Variants in PDE4D observed in about 807,000 individuals in gnomAD.
PDE4D encodes phosphodiesterase 4D.
In PDE4D, 24 loss-of-function variants were observed where a neutral mutation model predicts 87.4. The observed-to-expected ratio is 0.27, with a 90% CI of 0.20 to 0.39. PDE4D has a LOEUF of 0.39. Among genes scored for constraint, PDE4D ranks in the 10% least tolerant of loss-of-function variants. The pLI is 1.00. For synonymous variants in PDE4D, 384 were observed against 383.2 expected (o/e 1.00, Z -0.02); for missense variants, 714 against 1,041.0 (o/e 0.69, Z 4.32).
chr5:59,997,557 A>G (rs1332107208), intron 2 of PDE4D, among the ~76,000 whole-genome samples: 2 of 152,168 alleles, frequency 1.3e-5, no homozygotes, highest in Non-Finnish European at 2.9e-5. Context: ...TAAACTAACA[A>G]ATATTGGGCT....
intron 2 of PDE4D, among the ~76,000 whole-genome samples, chr5:60,134,554 AT>A (rs1332553697): frequency 6.6e-6 from 1 of 152,210 alleles, no homozygotes; most frequent in Non-Finnish European, 1.5e-5. Context: ...GTCCCACAGT[AT>A]TCGTGGGAGA....
chr5:59,798,630 A>G (rs1766781048), intron 1 of PDE4D, among the ~76,000 whole-genome samples: 1 of 152,210 alleles, frequency 6.6e-6, no homozygotes, highest in Non-Finnish European at 1.5e-5. Context: ...CACCTTCCAT[A>G]TAGAAATCAC....
chr5:59,832,423 C>G (rs1480647767), intron 1 of PDE4D, among the ~76,000 whole-genome samples: 1 of 152,018 alleles, frequency 6.6e-6, no homozygotes, highest in Non-Finnish European at 1.5e-5. Flanking sequence ...TTTTTGAAAG[C>G]TATTTTATGA....
At chr5:58,998,059 C>T (rs1245493840) in intron 6 of PDE4D, among the ~76,000 whole-genome samples, 1 of 151,974 alleles carries the variant, frequency 6.6e-6, no homozygotes, top group Non-Finnish European at 1.5e-5. Context: ...CACTGTGATG[C>T]ATTACAAGTT....
chr5:59,822,123 A>G (rs1769759103), intron 1 of PDE4D, among the ~76,000 whole-genome samples: 1 of 152,214 alleles, frequency 6.6e-6, no homozygotes, highest in African/African-American at 2.4e-5. Flanking sequence ...GATACTGACG[A>G]AAAATTGGTC....
intron 1 of PDE4D, among the ~76,000 whole-genome samples, chr5:60,332,443 G>T (rs772871448): frequency 6.6e-6 from 1 of 152,222 alleles, no homozygotes; most frequent in East Asian, 1.9e-4. Flanking sequence ...TGGGACATTT[G>T]GTTTTCTGTT....
intron 5 of PDE4D, among the ~76,000 whole-genome samples, chr5:59,060,963 T>C (rs1380915984): frequency 1.3e-5 from 2 of 152,094 alleles, no homozygotes; most frequent in African/African-American, 2.4e-5. Flanking sequence ...ACTGCTTCCA[T>C]TGTTGGGAGG....
At chr5:59,123,657 A>C (rs920859877) in intron 5 of PDE4D, among the ~76,000 whole-genome samples, 4 of 152,090 alleles carry the variant, frequency 2.6e-5, no homozygotes, top group Non-Finnish European at 5.9e-5. Context: ...CTAAAGCTCT[A>C]CTCCATTGCA....
chr5:59,317,888 G>C (rs1774041352), intron 1 of PDE4D, among the ~76,000 whole-genome samples: 1 of 152,148 alleles, frequency 6.6e-6, no homozygotes, highest in Admixed American at 6.5e-5. Context: ...CAGGCCCTCT[G>C]TTACGATGGT....
intron 2 of PDE4D, among the ~76,000 whole-genome samples, chr5:60,105,158 A>T (rs988781568): frequency 6.6e-6 from 1 of 152,244 alleles, no homozygotes. Context: ...AATACAGAGA[A>T]GTCCTTAAAG....
At chr5:59,675,948 G>A (rs1481985014) in intron 1 of PDE4D, among the ~76,000 whole-genome samples, 5 of 151,982 alleles carry the variant, frequency 3.3e-5, no homozygotes, top group African/African-American at 7.3e-5. Context: ...CACCTCAGCC[G>A]CCCAAAGTGC....
chr5:59,778,806 A>T (rs1431817459), intron 1 of PDE4D, among the ~76,000 whole-genome samples: 1 of 152,200 alleles, frequency 6.6e-6, no homozygotes, highest in Non-Finnish European at 1.5e-5. Context: ...TTAACAGGCT[A>T]AAAAGGTAGG....
chr5:59,694,587 T>G (rs755301046), intron 1 of PDE4D, among the ~76,000 whole-genome samples: 1 of 152,174 alleles, frequency 6.6e-6, no homozygotes, highest in African/African-American at 2.4e-5. Context: ...TACAGCAATA[T>G]GTTGTAACTG....
At chr5:59,389,657 T>C (rs1327834046) in intron 1 of PDE4D, among the ~76,000 whole-genome samples, 1 of 152,154 alleles carries the variant, frequency 6.6e-6, no homozygotes, top group Non-Finnish European at 1.5e-5. Context: ...CCCATGTTTA[T>C]TGCAGCACTA....
intron 1 of PDE4D, among the ~76,000 whole-genome samples, chr5:59,855,557 T>C (rs573023054): frequency 1.3e-5 from 2 of 152,234 alleles, no homozygotes; most frequent in African/African-American, 4.8e-5. Context: ...AGGGTAGAAA[T>C]TTTCATAGTT....
intron 1 of PDE4D, chr5:60,304,131 A>G (rs1754205386): frequency 6.6e-6 from 1 of 152,180 alleles, no homozygotes; most frequent in Non-Finnish European, 1.5e-5. Context: ...CAAGTTTAGT[A>G]TATGTTCTGC....
At chr5:59,731,684 G>A (rs1430741027) in intron 1 of PDE4D, among the ~76,000 whole-genome samples, 2 of 152,048 alleles carry the variant, frequency 1.3e-5, no homozygotes, top group Admixed American at 6.6e-5. Context: ...TCAAGCAACC[G>A]CCTTCTTCCT....
intron 1 of PDE4D, among the ~76,000 whole-genome samples, chr5:59,878,795 C>T (rs1445294211): frequency 6.6e-6 from 1 of 151,860 alleles, no homozygotes; most frequent in Non-Finnish European, 1.5e-5. Context: ...CAGACTATCA[C>T]CATTTATTTC....
At chr5:60,255,759 C>A (rs1363648225) in intron 1 of PDE4D, among the ~76,000 whole-genome samples, 3 of 151,690 alleles carry the variant, frequency 2.0e-5, no homozygotes, top group Admixed American at 6.6e-5. Context: ...CACTTAGCTC[C>A]AGGAGTTTGA....
Sources: allele counts gnomAD v4.1 joint callset (sites outside exome capture counted in the v4.1 genomes callset), GRCh38; gene constraint gnomAD v4.1.1; transcripts MANE v1.5; gene names NCBI Gene and HGNC (gene_info 2026-07-23, HGNC 2026-07-21).